Variants in MAGI2 observed in about 807,000 individuals in gnomAD.
MAGI2 encodes membrane associated guanylate kinase, WW and PDZ domain containing 2, also known as membrane-associated guanylate kinase, WW and PDZ domain-containing protein 2.
MAGI2 carries 35 observed loss-of-function variants against 133.3 expected under a neutral mutation model. The ratio of observed to expected loss-of-function variants is 0.26; its 90% CI spans 0.20 to 0.35. MAGI2 has a LOEUF of 0.35. MAGI2 is among the 10% of genes least tolerant of loss of function. The probability of loss-of-function intolerance (pLI) is 1.00; values close to 1 mark genes in which losing one functional copy is unlikely to be tolerated. For synonymous variants in MAGI2, 729 were observed against 710.6 expected, an observed-to-expected ratio of 1.03 and a Z score of -0.41; for missense variants, 1,636 against 1,863.4, an observed-to-expected ratio of 0.88 and a Z score of 2.25.
chr7:78,082,747 C>T (rs981332479), intron 20 of MAGI2, among the ~76,000 whole-genome samples: 1 of 152,098 alleles, frequency 6.6e-6, no homozygotes. Flanking sequence ...AGACTCTGAC[C>T]GTTGCAAAGC....
At chr7:78,511,431 C>A (rs1157845159) in intron 4 of MAGI2, among the ~76,000 whole-genome samples, 1 of 151,444 alleles carries the variant, frequency 6.6e-6, no homozygotes, top group African/African-American at 2.4e-5. Context: ...TGCTCTTATC[C>A]ATTTTCTTAC....
At chr7:78,159,980 A>C in intron 16 of MAGI2, 45 bp downstream of exon 16, 1 of 1,518,172 alleles carries the variant, frequency 6.6e-7, no homozygotes, top group Non-Finnish European at 8.8e-7. Context: ...GGAACAAATC[A>C]AAACAAGACC....
chr7:78,486,853 A>T, intron 6 of MAGI2: 1 of 494,086 alleles, frequency 2.0e-6, no homozygotes, highest in Non-Finnish European at 4.0e-6. Flanking sequence ...GACAGCAAAG[A>T]TGTACAGAGG....
At chr7:78,126,998 C>A (rs1821051143) in intron 19 of MAGI2, among the ~76,000 whole-genome samples, 199 bp downstream of exon 19, 1 of 152,142 alleles carries the variant, frequency 6.6e-6, no homozygotes, top group African/African-American at 2.4e-5. Flanking sequence ...ATTTATTGTC[C>A]TGCTTTATTC....
intron 9 of MAGI2, among the ~76,000 whole-genome samples, chr7:78,337,686 A>G (rs1241438858): frequency 1.3e-5 from 2 of 152,248 alleles, no homozygotes; most frequent in African/African-American, 4.8e-5. Context: ...CATTTGATAT[A>G]TAAAGTCATT....
intron 1 of MAGI2, among the ~76,000 whole-genome samples, chr7:79,304,671 A>T (rs1837646940): frequency 1.3e-5 from 2 of 152,178 alleles, no homozygotes; most frequent in African/African-American, 4.8e-5. Context: ...CACTGCCCAG[A>T]CACTGCTGCT....
chr7:78,687,119 T>C (rs894094389), intron 2 of MAGI2, among the ~76,000 whole-genome samples: 4 of 152,148 alleles, frequency 2.6e-5, no homozygotes, highest in East Asian at 1.9e-4. Flanking sequence ...ACTAGGGAAA[T>C]TGGCATTGAA....
intron 2 of MAGI2, among the ~76,000 whole-genome samples, chr7:78,657,625 TAAG>T (rs148863412): frequency 0.26 from 38,777 of 151,974 alleles, 5,287 homozygotes; most frequent in African/African-American, 0.33. Flanking sequence ...TTGGCGACTT[TAAG>T]AAGATCAGTG....
intron 6 of MAGI2, among the ~76,000 whole-genome samples, chr7:78,403,914 C>A (rs1797136732): frequency 6.6e-6 from 1 of 152,094 alleles, no homozygotes; most frequent in Non-Finnish European, 1.5e-5. Context: ...ATTTAGAAAA[C>A]CCCATCATCT....
intron 2 of MAGI2, among the ~76,000 whole-genome samples, chr7:78,629,439 T>C (rs999489871): frequency 6.6e-6 from 1 of 152,210 alleles, no homozygotes; most frequent in East Asian, 1.9e-4. Flanking sequence ...CTCTAGTCCC[T>C]GATCTCTTGT....
At chr7:79,425,598 ATGTATATATATG>A (rs981241858) in intron 1 of MAGI2, among the ~76,000 whole-genome samples, 3 of 56,514 alleles carry the variant, frequency 5.3e-5, no homozygotes, top group Non-Finnish European at 8.6e-5. Context: ...ATATATATAT[ATGTATATATATG>A]TATATATACG....
intron 1 of MAGI2, among the ~76,000 whole-genome samples, chr7:79,131,484 C>A (rs17151998): frequency 0.019 from 2,965 of 152,224 alleles, 116 homozygotes; most frequent in African/African-American, 0.068. Flanking sequence ...AGTACTTTGA[C>A]ATTCATTATT....
At chr7:78,692,531 G>C (rs560874735) in intron 2 of MAGI2, among the ~76,000 whole-genome samples, 15 of 152,142 alleles carry the variant, frequency 9.9e-5, no homozygotes, top group African/African-American at 3.6e-4. Context: ...TTTAGGATTC[G>C]ATTAAGTGTT....
intron 2 of MAGI2, among the ~76,000 whole-genome samples, chr7:78,752,284 G>A (rs1823525028): frequency 6.6e-6 from 1 of 152,186 alleles, no homozygotes; most frequent in Admixed American, 6.5e-5. Context: ...CATGATGATA[G>A]AATGATCTTT....
chr7:78,458,086 A>G (rs1448311544), intron 6 of MAGI2, among the ~76,000 whole-genome samples: 2 of 152,092 alleles, frequency 1.3e-5, no homozygotes, highest in African/African-American at 2.4e-5. Flanking sequence ...TCATGAGGTC[A>G]GGAGATCGAT....
intron 1 of MAGI2, among the ~76,000 whole-genome samples, chr7:79,193,034 C>T (rs912096695): frequency 2.0e-5 from 3 of 151,840 alleles, no homozygotes; most frequent in Admixed American, 2.0e-4. Flanking sequence ...AAATCTCAAA[C>T]TCCTTCTCCT....
intron 3 of MAGI2, among the ~76,000 whole-genome samples, chr7:78,551,594 G>A (rs1401357770): frequency 6.6e-6 from 1 of 152,208 alleles, no homozygotes; most frequent in Non-Finnish European, 1.5e-5. Flanking sequence ...CCTGAGAGAA[G>A]ACAGTTCTGA....
chr7:79,069,167 T>C (rs1814692619), intron 1 of MAGI2, among the ~76,000 whole-genome samples: 1 of 152,182 alleles, frequency 6.6e-6, no homozygotes, highest in African/African-American at 2.4e-5. Context: ...TAATTTTCTG[T>C]CTCGTTGACC....
chr7:78,445,853 T>A (rs1042948654), intron 6 of MAGI2, among the ~76,000 whole-genome samples: 4 of 152,022 alleles, frequency 2.6e-5, no homozygotes, highest in Non-Finnish European at 4.4e-5. Context: ...TTCTTACATG[T>A]ATCTTCTTCA....
Sources: allele counts gnomAD v4.1 joint callset (sites outside exome capture counted in the v4.1 genomes callset), GRCh38; gene constraint gnomAD v4.1.1; transcripts MANE v1.5; gene names NCBI Gene and HGNC (gene_info 2026-07-23, HGNC 2026-07-21).